The following LYRM2 variants were observed in gnomAD, a reference collection of about 807,000 sequenced individuals.
LYRM2 encodes the protein LYR motif containing 2, also known as LYR motif-containing protein 2.
In LYRM2, 8 loss-of-function variants were observed where a neutral mutation model predicts 11.6. The observed-to-expected ratio is 0.69, with a 90% CI of 0.40 to 1.24. The LOEUF is 1.24. Ranked by LOEUF, LYRM2 falls within the 50% of genes most tolerant of loss-of-function variation. The probability of loss-of-function intolerance (pLI) is 0.01; values close to 1 mark genes in which losing one functional copy is unlikely to be tolerated. For synonymous variants in LYRM2, 30 were observed against 36.4 expected (o/e 0.83, Z 0.63); for missense variants, 117 against 102.9 (o/e 1.14, Z -0.59).
At position 89,637,261 on chromosome 6, in the gene LYRM2, A is replaced by T; in HGVS notation, c.*12T>A. ...ATGGAGACTTTGAAAATCCTTCAGA[A>T]TAATGCTATAGTTAAGATTTTGCTA... On this transcript the variant is annotated 3_prime_UTR_variant, in exon 3 of 3. Transcript: ENST00000523377. 1 of 1,288,896 alleles carries T rather than the reference A, an allele frequency of 7.8e-7. No homozygotes were observed. Among genetic ancestry groups the T allele is most frequent in the Non-Finnish European group, 1.1e-6 (1 of 888,690 alleles). 79.8% of individuals were successfully genotyped at this position (1,288,896 alleles called of 1,614,324 possible).
At chr6:89,638,450 G>A in intron 1 of LYRM2, 1 of 1,452,256 alleles carries the variant, frequency 6.9e-7, no homozygotes, top group Non-Finnish European at 9.0e-7. Context: ...GAAATCAAGC[G>A]CCTGACGCTG....
chr6:89,638,554 C>CA, intron 1 of LYRM2, 118 bp downstream of exon 1: 7 of 1,592,204 alleles, frequency 4.4e-6, no homozygotes, highest in Non-Finnish European at 6.0e-6. Context: ...GGGCCAATCT[C>CA]AGAGGGCGCG....
Position 89,637,226 on chromosome 6 carries a change from A to G in LYRM2, c.*47T>C, listed in dbSNP as rs779549828. On this transcript the variant is annotated 3_prime_UTR_variant, in exon 3 of 3. Coordinates refer to ENST00000523377, the MANE Select transcript of LYRM2 (RefSeq NM_020466.5). ...GTTGTCCATTGTTAATCCTAAATGC[A>G]ACAAAACACATGGAGACTTTGAAAA... 2.8e-5 allele frequency: 26 copies of G among 913,392 alleles called. No individual in the cohort carries two copies. Among genetic ancestry groups the G allele is most frequent in the Non-Finnish European group, 4.1e-5 (23 of 561,498 alleles). The allele number at this position is 913,392 out of a possible 1,614,324, so 56.6% of individuals were successfully genotyped here.
chr6:89,634,980 C>T lies in LYRM2; in HGVS notation c.*2293G>A, dbSNP rs1807950908. The stretch of plus-strand genomic sequence containing the variant: ...GGCCTAGCTAGTCTCGAAATCCTGA[C>T]CTAAAGTGATCCACCCACCTCAGCC... On this transcript the variant is annotated 3_prime_UTR_variant, in exon 3 of 3. Transcript: ENST00000523377. 1 of 151,944 alleles carries T rather than the reference C, an allele frequency of 6.6e-6. No homozygotes were observed. The highest frequency in any genetic ancestry group is 1.5e-5 in the Non-Finnish European group (1 of 67,998). 9.4% of individuals were successfully genotyped at this position (151,944 alleles called of 1,614,324 possible). A position where few individuals can be genotyped will look rare whatever the true frequency, so the allele number is the denominator to read the frequency against.
Position 89,637,058 on chromosome 6 carries a change from CTTTT to C in LYRM2, c.*211_*214del. ...GCCATTTGTTAGTGGTTTTTTTCTT[CTTTT>C]AAGAACTGCTGAGACATCCATAAAC... On this transcript the variant is annotated 3_prime_UTR_variant, in exon 3 of 3. Coordinates refer to ENST00000523377, the MANE Select transcript of LYRM2 (RefSeq NM_020466.5). The C allele has an allele frequency of 2.4e-6, 1 of 417,528 alleles. No individual in the cohort carries two copies. Among genetic ancestry groups the C allele is most frequent in the Non-Finnish European group, 4.3e-6 (1 of 233,790 alleles). The allele number at this position is 417,528 out of a possible 1,614,324, so 25.9% of individuals were successfully genotyped here.
rs568227316 is a variant in LYRM2 at position 89,634,812 on chromosome 6, A to G, written c.*2461T>C. On this transcript the variant is annotated 3_prime_UTR_variant, in exon 3 of 3. Coordinates refer to ENST00000523377, the MANE Select transcript of LYRM2 (RefSeq NM_020466.5). Reference sequence around the variant, plus strand: ...GGCACTTTTTTATTTTTTTTGAGACAAGAGTCTCACTCTTTCGCCCAGGCT... The same window carrying G: ...GGCACTTTTTTATTTTTTTTGAGACGAGAGTCTCACTCTTTCGCCCAGGCT... 1.5e-3 allele frequency: 227 copies of G among 152,296 alleles called. No individual in the cohort carries two copies. Among genetic ancestry groups the G allele is most frequent in the African/African-American group, 5.3e-3 (218 of 41,522 alleles). The allele number at this position is 152,296 out of a possible 1,614,324, so 9.4% of individuals were successfully genotyped here.
chr6:89,637,488 C>A, intron 2 of LYRM2, 135 bp from the exon 3 acceptor site: 1 of 650,868 alleles, frequency 1.5e-6, no homozygotes, highest in Non-Finnish European at 2.6e-6. Context: ...AAAAGAGTTC[C>A]ACATACATAC....
At position 89,633,910 on chromosome 6, in the gene LYRM2, A is replaced by G. The variant is rs553312616; in HGVS notation, c.*3363T>C. 1 of 152,358 alleles carries G rather than the reference A, an allele frequency of 6.6e-6. No homozygotes were observed. Among genetic ancestry groups the G allele is most frequent in the African/African-American group, 2.4e-5 (1 of 41,594 alleles). The allele number at this position is 152,358 out of a possible 1,614,324, so 9.4% of individuals were successfully genotyped here. A position where few individuals can be genotyped will look rare whatever the true frequency, so the allele number is the denominator to read the frequency against. On this transcript the variant is annotated 3_prime_UTR_variant, in exon 3 of 3. Coordinates refer to ENST00000523377, the MANE Select transcript of LYRM2 (RefSeq NM_020466.5). ...CTCCTGAGTGCCTTCACCCAGCTAC[A>G]CTTTACCTTGTATCTATAAAAGTGT...
In LYRM2 at chr6:89,633,467, A is replaced by T. The variant is rs1463605706; in HGVS notation, c.*3806T>A. The T allele has an allele frequency of 6.6e-6, 1 of 152,240 alleles. No homozygotes were observed. Among genetic ancestry groups the T allele is most frequent in the African/African-American group, 2.4e-5 (1 of 41,460 alleles). The allele number at this position is 152,240 out of a possible 1,614,324, so 9.4% of individuals were successfully genotyped here. The stretch of plus-strand genomic sequence containing the variant: ...TTCCAAAGAAAAAGAACTATTGACA[A>T]CTTATAGCCTGTCATGCAGGTCATG... On this transcript the variant is annotated 3_prime_UTR_variant, in exon 3 of 3. Coordinates refer to ENST00000523377, the MANE Select transcript of LYRM2 (RefSeq NM_020466.5).
At position 89,634,824 on chromosome 6, in the gene LYRM2, C is replaced by T. The variant is rs1807941606; in HGVS notation, c.*2449G>A. The T allele has an allele frequency of 6.6e-6, 1 of 152,202 alleles. No individual in the cohort carries two copies. Among genetic ancestry groups the T allele is most frequent in the African/African-American group, 2.4e-5 (1 of 41,414 alleles). The allele number at this position is 152,202 out of a possible 1,614,324, so 9.4% of individuals were successfully genotyped here. On this transcript the variant is annotated 3_prime_UTR_variant, in exon 3 of 3. Coordinates refer to ENST00000523377, the MANE Select transcript of LYRM2 (RefSeq NM_020466.5). The stretch of plus-strand genomic sequence containing the variant: ...TTTTTTTTGAGACAAGAGTCTCACT[C>T]TTTCGCCCAGGCTGTAGTGCAGTAG...
chr6:89,637,443 A>AG, intron 2 of LYRM2, 90 bp from the exon 3 acceptor site: 1 of 838,028 alleles, frequency 1.2e-6, no homozygotes, highest in Non-Finnish European at 1.9e-6. Context: ...AAGAACCAAT[A>AG]CTACCTATTG....
chr6:89,638,512 C>T (rs1808084950), intron 1 of LYRM2, 160 bp downstream of exon 1: 3 of 1,538,378 alleles, frequency 2.0e-6, no homozygotes, highest in East Asian at 4.6e-5. Flanking sequence ...CCCGTCAGGC[C>T]CCGCGGAGCG....
Sources: gnomAD v4.1 joint callset for allele counts on GRCh38, gnomAD v4.1.1 for gene constraint, MANE v1.5 for transcripts, NCBI Gene and HGNC (gene_info 2026-07-23, HGNC 2026-07-21) for gene names.